The following KIRREL3 variants were observed in gnomAD, a reference collection of about 807,000 sequenced individuals.
KIRREL3 encodes kirre like nephrin family adhesion molecule 3, also known as kin of IRRE-like protein 3.
KIRREL3 carries 36 observed loss-of-function variants against 89.7 expected under a neutral mutation model. That is an observed-to-expected ratio of 0.40 (90% CI 0.31 to 0.53). The LOEUF is 0.53. Among genes scored for constraint, KIRREL3 ranks in the 20% least tolerant of loss-of-function variants. The pLI is 0.49. For missense variants in KIRREL3, 864 were observed against 1,056.6 expected, an observed-to-expected ratio of 0.82 and a Z score of 2.53; for synonymous variants, 445 against 441.4, an observed-to-expected ratio of 1.01 and a Z score of -0.10.
chr11:126,793,914 T>C (rs996064048), intron 1 of KIRREL3, among the ~76,000 whole-genome samples: 4 of 152,160 alleles, frequency 2.6e-5, no homozygotes, highest in Non-Finnish European at 5.9e-5. Flanking sequence ...TAGATTTTAA[T>C]AGGCACCTAT....
intron 1 of KIRREL3, among the ~76,000 whole-genome samples, chr11:126,584,353 G>A (rs993002139): frequency 1.3e-5 from 2 of 152,164 alleles, no homozygotes. Context: ...CCTGGCGAGC[G>A]CCTGTGGATG....
rs1425265500 is a variant in KIRREL3, at chr11:126,978,059, G to A, written c.55+22396C>T. ...GACAGCCTCCTTCTCCAGCACGGCAGCCCACCAAAAGTGCCTCCTTCCAAG... is the reference window on the plus strand; with the variant it reads ...GACAGCCTCCTTCTCCAGCACGGCAACCCACCAAAAGTGCCTCCTTCCAAG... On this transcript the variant is annotated intron_variant, in intron 1 of 16. Transcript: ENST00000525144. This position sits in a 1 kb window ranked among gnomAD's most constrained non-coding sequence, Gnocchi z 4.2. Among the ~76,000 whole-genome samples, 1 of 152,136 alleles carries A rather than the reference G, an allele frequency of 6.6e-6. No individual in the cohort carries two copies. Among genetic ancestry groups the A allele is most frequent in the Non-Finnish European group, 1.5e-5 (1 of 68,022 alleles).
At chr11:126,767,545 T>G (rs1025424763) in intron 1 of KIRREL3, among the ~76,000 whole-genome samples, 1 of 152,182 alleles carries the variant, frequency 6.6e-6, no homozygotes, top group Non-Finnish European at 1.5e-5. Context: ...TATAATGATA[T>G]ACACTGTGTA....
At chr11:126,497,251 C>A (rs12364767) in intron 4 of KIRREL3, among the ~76,000 whole-genome samples, 4 of 150,046 alleles carry the variant, frequency 2.7e-5, no homozygotes, top group African/African-American at 5.0e-5. Flanking sequence ...TGAGTGTGTG[C>A]GTGACAGTGT....
rs1410277231 is a variant in KIRREL3, at chr11:126,427,605, T to G, written c.1806+1574A>C. On this transcript the variant is annotated intron_variant, in intron 15 of 16. Transcript: ENST00000525144. This position sits in a 1 kb window ranked among gnomAD's most constrained non-coding sequence, Gnocchi z 5.3. ...TCTTTGGCATGTCTGGAAGGCCAGA[T>G]GTACTTGGCCGGAAAATGGAGCTGG... Among the ~76,000 whole-genome samples the G allele has an allele frequency of 6.6e-6, 1 of 152,178 alleles. No homozygotes were observed. The highest frequency in any genetic ancestry group is 1.5e-5 in the Non-Finnish European group (1 of 68,034).
At position 126,931,500 on chromosome 11, in the gene KIRREL3, A is replaced by G. The variant is rs1947946989; in HGVS notation, c.55+68955T>C. Among the ~76,000 whole-genome samples the G allele has an allele frequency of 6.6e-6, 1 of 152,220 alleles. No homozygotes were observed. Among genetic ancestry groups the G allele is most frequent in the African/African-American group, 2.4e-5 (1 of 41,456 alleles). On this transcript the variant is annotated intron_variant, in intron 1 of 16. Transcript: ENST00000525144. The surrounding 1 kb of genome is among the most constrained non-coding windows in gnomAD (Gnocchi z 5.1). The stretch of plus-strand genomic sequence containing the variant: ...AGGAACCCATAGCATTGTGGCATCC[A>G]GACTTTGAGACAATCTTAAATACGT...
chr11:126,433,410 G>C (rs1955207018), intron 13 of KIRREL3, among the ~76,000 whole-genome samples: 1 of 152,206 alleles, frequency 6.6e-6, no homozygotes. Context: ...GCAGCCATTT[G>C]CCCTCCGGCC....
rs770113917 is a variant in KIRREL3, at chr11:126,943,567, C to T, written c.55+56888G>A. Among the ~76,000 whole-genome samples, 4 of 152,114 alleles carry T rather than the reference C, an allele frequency of 2.6e-5. No homozygotes were observed. The highest frequency in any genetic ancestry group is 4.4e-5 in the Non-Finnish European group (3 of 68,014). On this transcript the variant is annotated intron_variant, in intron 1 of 16. Transcript: ENST00000525144. The surrounding 1 kb of genome is among the most constrained non-coding windows in gnomAD (Gnocchi z 4.2). Reference sequence around the variant, plus strand: ...GACAAGATTAAATCAGCAGACTGAACGATAAATGAACAGTAATGCATTCAT... The same window carrying T: ...GACAAGATTAAATCAGCAGACTGAATGATAAATGAACAGTAATGCATTCAT...
At chr11:126,901,454 A>AG (rs761950577) in intron 1 of KIRREL3, among the ~76,000 whole-genome samples, 7 of 152,300 alleles carry the variant, frequency 4.6e-5, no homozygotes, top group Non-Finnish European at 8.8e-5. Flanking sequence ...GCAGAGTCTC[A>AG]GCAAATCCAG....
intron 1 of KIRREL3, among the ~76,000 whole-genome samples, chr11:126,751,471 C>A (rs4245069): frequency 1 from 152,364 of 152,364 alleles, 76,182 homozygotes; most frequent in Non-Finnish European, 1. Context: ...TCTGCTAGCC[C>A]AATACACTTG....
At position 126,614,129 on chromosome 11, in the gene KIRREL3, G is replaced by A. The variant is rs1157853662; in HGVS notation, c.56-51217C>T. On this transcript the variant is annotated intron_variant, in intron 1 of 16. Transcript: ENST00000525144. The surrounding 1 kb of genome is among the most constrained non-coding windows in gnomAD (Gnocchi z 4.6). ...AAGACAGGGTACAGATGTAAGTGGG[G>A]AGTAGGGAAGATTTATAAAAGAGAA... is the stretch of plus-strand genomic sequence containing the variant. Among the ~76,000 whole-genome samples, 1 of 152,130 alleles carries A rather than the reference G, an allele frequency of 6.6e-6. No individual in the cohort carries two copies. The highest frequency in any genetic ancestry group is 1.5e-5 in the Non-Finnish European group (1 of 68,022).
chr11:126,649,784 C>T (rs1473639283), intron 1 of KIRREL3, among the ~76,000 whole-genome samples: 2 of 152,246 alleles, frequency 1.3e-5, no homozygotes, highest in African/African-American at 2.4e-5. Flanking sequence ...ATCTGGAGGG[C>T]GATGGCCCTC....
intron 1 of KIRREL3, among the ~76,000 whole-genome samples, chr11:126,632,366 G>C (rs1944066206): frequency 6.6e-6 from 1 of 152,124 alleles, no homozygotes; most frequent in East Asian, 1.9e-4. Flanking sequence ...CCAGAGAATG[G>C]GAAGAAAACC....
In KIRREL3 at chr11:127,000,498, G is replaced by T. The variant is rs773977920; in HGVS notation, c.12C>A (p.Phe4Leu). ...AGCAGACGAAGAGCAGATCGAGCTG[G>T]AAGGGTTTCATTCCTTAGCGCAGCG... MKP[F>L]QLDLLFVCFF... Residue 4 changes from phenylalanine to leucine, a missense_variant, in exon 1 of 17, where the codon TTC becomes TTA. By Grantham distance (22) the Phe-to-Leu change is conservative. Transcript: ENST00000525144. This position sits in a 1 kb window ranked among gnomAD's most constrained non-coding sequence, Gnocchi z 7.1. The T allele has an allele frequency of 6.2e-7, 1 of 1,607,644 alleles. No homozygotes were observed. The highest frequency in any genetic ancestry group is 1.1e-5 in the South Asian group (1 of 89,432).
At position 126,484,328 on chromosome 11, in the gene KIRREL3, A is replaced by G. The variant is rs140392243; in HGVS notation, c.434-10862T>C. Reference sequence around the variant, plus strand: ...TATGTTACCTTGGATGCAGTCATAAAAAAACAGCACCAATAATATGAATAA... The same window carrying G: ...TATGTTACCTTGGATGCAGTCATAAGAAAACAGCACCAATAATATGAATAA... On this transcript the variant is annotated intron_variant, in intron 4 of 16. Coordinates refer to ENST00000525144, the MANE Select transcript of KIRREL3 (RefSeq NM_032531.4). The surrounding 1 kb of genome is among the most constrained non-coding windows in gnomAD (Gnocchi z 5.2). 2.1e-3 allele frequency among the ~76,000 whole-genome samples: 325 copies of G among 152,330 alleles called. 1 individual carries two copies. The highest frequency in any genetic ancestry group is 7.6e-3 in the African/African-American group (316 of 41,558).
chr11:126,930,108 A>G (rs1947883878), intron 1 of KIRREL3, among the ~76,000 whole-genome samples: 1 of 152,124 alleles, frequency 6.6e-6, no homozygotes, highest in Non-Finnish European at 1.5e-5. Context: ...TGTGCTTAAA[A>G]AAAAAAAACT....
Position 127,000,658 on chromosome 11 carries a change from T to C in KIRREL3, c.-149A>G. ...CGTGGGTCCCTCCGGGTGGCTTCGG[T>C]CTCTTTGTGCCTCTGGGTATCTGCA... On this transcript the variant is annotated 5_prime_UTR_variant, in exon 1 of 17. Transcript: ENST00000525144. The surrounding 1 kb of genome is among the most constrained non-coding windows in gnomAD (Gnocchi z 7.1). The C allele has an allele frequency of 2.9e-6, 2 of 688,080 alleles. No homozygotes were observed. Among genetic ancestry groups the C allele is most frequent in the Non-Finnish European group, 4.9e-6 (2 of 408,530 alleles). The allele number at this position is 688,080 out of a possible 1,614,324, so 42.6% of individuals were successfully genotyped here.
At chr11:126,583,557 C>T (rs760473653) in intron 1 of KIRREL3, among the ~76,000 whole-genome samples, 3 of 152,158 alleles carry the variant, frequency 2.0e-5, no homozygotes, top group Non-Finnish European at 2.9e-5. Flanking sequence ...GGACGGGATG[C>T]GCTGTGGAGT....
chr11:126,885,933 C>A (rs565367280), intron 1 of KIRREL3, among the ~76,000 whole-genome samples: 1 of 152,324 alleles, frequency 6.6e-6, no homozygotes, highest in Non-Finnish European at 1.5e-5. Context: ...GATATTGAAC[C>A]TAATCAGTAA....
Sources: allele counts gnomAD v4.1 joint callset (sites outside exome capture counted in the v4.1 genomes callset), GRCh38; gene constraint gnomAD v4.1.1; non-coding constraint Gnocchi (gnomAD v3.1); transcripts MANE v1.5; gene names NCBI Gene and HGNC (gene_info 2026-07-23, HGNC 2026-07-21).